Variants in EYA1 observed in about 807,000 individuals in gnomAD.
EYA1 encodes the protein EYA transcriptional coactivator and phosphatase 1.
In EYA1, 16 loss-of-function variants were observed where a neutral mutation model predicts 82.0. The ratio of observed to expected loss-of-function variants is 0.20; its 90% confidence interval spans 0.13 to 0.30. EYA1 has a LOEUF of 0.30. Among genes scored for constraint, EYA1 ranks in the 10% least tolerant of loss-of-function variants. EYA1 has a pLI of 1.00. For synonymous variants in EYA1, 261 were observed against 264.4 expected, an observed-to-expected ratio of 0.99 and a Z score of 0.12; for missense variants, 633 against 730.7, an observed-to-expected ratio of 0.87 and a Z score of 1.54.
At chr8:71,499,768 G>A (rs1811678538) in intron 2 of EYA1, among the ~76,000 whole-genome samples, 1 of 152,208 alleles carries the variant, frequency 6.6e-6, no homozygotes, top group Non-Finnish European at 1.5e-5. Flanking sequence ...TGGAGAGGCT[G>A]AGGCATGGCA....
intron 2 of EYA1, among the ~76,000 whole-genome samples, chr8:71,514,458 G>A (rs566238164): frequency 6.0e-4 from 91 of 152,078 alleles, no homozygotes; most frequent in Non-Finnish European, 1.1e-3. Context: ...CTATGTATTA[G>A]TCTGTTTTCA....
chr8:71,218,003 C>T (rs1809430337), intron 12 of EYA1, among the ~76,000 whole-genome samples: 2 of 152,156 alleles, frequency 1.3e-5, no homozygotes, highest in Admixed American at 6.5e-5. Context: ...TGGAGGCAGA[C>T]AAGGACTCTA....
At chr8:71,282,120 C>G (rs781287432) in intron 9 of EYA1, among the ~76,000 whole-genome samples, 7 of 152,198 alleles carry the variant, frequency 4.6e-5, no homozygotes, top group South Asian at 2.1e-4. Context: ...CGTAAGTACT[C>G]TGTATGCAGT....
intron 1 of EYA1, among the ~76,000 whole-genome samples, chr8:71,546,370 A>T (rs918958562): frequency 7.9e-5 from 12 of 152,198 alleles, no homozygotes; most frequent in Non-Finnish European, 1.5e-4. Flanking sequence ...GACCCAGGAC[A>T]TTGAAGGTGT....
Position 71,198,015 on chromosome 8 carries a change from A to G in EYA1, c.*1325T>C, listed in dbSNP as rs1471509554. ...AATGAACCTTCCTCAGGGTGACAGGAAGAAAGAGAAAATACGCACATAGGG... is the reference window on the plus strand; with the variant it reads ...AATGAACCTTCCTCAGGGTGACAGGGAGAAAGAGAAAATACGCACATAGGG... On this transcript the variant is annotated 3_prime_UTR_variant, in exon 18 of 18. Coordinates refer to ENST00000340726, the MANE Select transcript of EYA1 (RefSeq NM_000503.6). 1 of 152,214 alleles carries G rather than the reference A, an allele frequency of 6.6e-6. No individual in the cohort carries two copies. Among genetic ancestry groups the G allele is most frequent in the African/African-American group, 2.4e-5 (1 of 41,450 alleles). 9.4% of individuals were successfully genotyped at this position (152,214 alleles called of 1,614,324 possible). A position where few individuals can be genotyped will look rare whatever the true frequency, so the allele number is the denominator to read the frequency against.
chr8:71,250,523 T>C (rs910629372), intron 11 of EYA1, among the ~76,000 whole-genome samples: 2 of 152,228 alleles, frequency 1.3e-5, no homozygotes, highest in Non-Finnish European at 1.5e-5. Flanking sequence ...TGTATCTTCC[T>C]CCTCCTGTTT....
intron 2 of EYA1, among the ~76,000 whole-genome samples, chr8:71,512,578 G>T (rs1457096757): frequency 1.3e-5 from 2 of 151,926 alleles, no homozygotes; most frequent in South Asian, 4.2e-4. Context: ...AAACAAGCTG[G>T]AGAAAGTAAT....
At chr8:71,360,525 G>A (rs1328974867) in intron 1 of EYA1, among the ~76,000 whole-genome samples, 2 of 152,196 alleles carry the variant, frequency 1.3e-5, no homozygotes, top group African/African-American at 4.8e-5. Context: ...CGCAAAGAAT[G>A]TTCAAAGATT....
intron 12 of EYA1, among the ~76,000 whole-genome samples, chr8:71,224,479 T>C (rs1235124463): frequency 6.6e-6 from 1 of 152,254 alleles, no homozygotes; most frequent in Non-Finnish European, 1.5e-5. Context: ...TGTCATTAAG[T>C]GATTACATCC....
At chr8:71,215,092 G>T (rs908841268) in intron 16 of EYA1, among the ~76,000 whole-genome samples, 1 of 151,976 alleles carries the variant, frequency 6.6e-6, no homozygotes, top group Non-Finnish European at 1.5e-5. Flanking sequence ...TTTTGTTAAT[G>T]TTGCCTAAAA....
chr8:71,375,286 T>G (rs999503251), intron 2 of EYA1, among the ~76,000 whole-genome samples: 9 of 150,842 alleles, frequency 6.0e-5, no homozygotes, highest in African/African-American at 2.2e-4. Context: ...TTTTTTAAAA[T>G]GGGAATACTA....
chr8:71,235,797 T>C (rs1339964439), intron 12 of EYA1, among the ~76,000 whole-genome samples: 1 of 152,176 alleles, frequency 6.6e-6, no homozygotes, highest in Non-Finnish European at 1.5e-5. Flanking sequence ...CTGGATGCGA[T>C]AGCATGTCGG....
chr8:71,397,228 T>G (rs1829679525), intron 2 of EYA1, among the ~76,000 whole-genome samples: 1 of 152,248 alleles, frequency 6.6e-6, no homozygotes, highest in Non-Finnish European at 1.5e-5. Context: ...CTGATGGGTC[T>G]TCACTCTTTA....
Position 71,315,294 on chromosome 8 carries a change from A to C in EYA1, c.556+2258T>G, listed in dbSNP as rs1821793327. ...AAATTTATTATTGACTGACTATGAA[A>C]GTTTCTAGATGCTAACTCTCAGTTT... On this transcript the variant is annotated intron_variant, in intron 7 of 17. Transcript: ENST00000340726. 2.0e-5 allele frequency among the ~76,000 whole-genome samples: 3 copies of C among 152,226 alleles called. No individual in the cohort carries two copies. In the South Asian group the frequency reaches 6.2e-4, roughly 32 times the overall value.
chr8:71,286,710 G>A (rs904510618), intron 9 of EYA1, among the ~76,000 whole-genome samples: 1 of 151,768 alleles, frequency 6.6e-6, no homozygotes, highest in Non-Finnish European at 1.5e-5. Flanking sequence ...AAAATCACCT[G>A]GGATCCACAC....
At chr8:71,388,595 C>T (rs1586607625) in intron 2 of EYA1, among the ~76,000 whole-genome samples, 3 of 152,028 alleles carry the variant, frequency 2.0e-5, no homozygotes, top group African/African-American at 2.4e-5. Flanking sequence ...TCTCAGCTGC[C>T]GGGGAGTAGA....
intron 3 of EYA1, among the ~76,000 whole-genome samples, chr8:71,346,399 CACAT>C (rs1321166141): frequency 6.8e-6 from 1 of 147,032 alleles, no homozygotes; most frequent in Non-Finnish European, 1.5e-5. Flanking sequence ...TACACACACA[CACAT>C]ACACACTTTT....
At chr8:71,311,364 G>T (rs1420621425) in intron 7 of EYA1, among the ~76,000 whole-genome samples, 1 of 152,184 alleles carries the variant, frequency 6.6e-6, no homozygotes, top group Non-Finnish European at 1.5e-5. Context: ...TACCTTTCAT[G>T]CATGCGTGCA....
chr8:71,361,446 T>G (rs774990936), intron 1 of EYA1, among the ~76,000 whole-genome samples: 4 of 152,214 alleles, frequency 2.6e-5, no homozygotes, highest in Non-Finnish European at 5.9e-5. Flanking sequence ...AATTTGGAGG[T>G]TGGGAATTCT....
Sources: gnomAD v4.1 joint callset for allele counts (sites outside exome capture counted in the v4.1 genomes callset) on GRCh38, gnomAD v4.1.1 for gene constraint, MANE v1.5 for transcripts, NCBI Gene and HGNC (gene_info 2026-07-23, HGNC 2026-07-21) for gene names.